NAB2: variants seen among roughly 807,000 people sequenced by gnomAD.
NAB2 encodes the protein NGFI-A binding protein 2.
NAB2 carries 9 observed loss-of-function variants against 44.2 expected under a neutral mutation model. The ratio of observed to expected loss-of-function variants is 0.20; its 90% CI spans 0.12 to 0.36. The LOEUF is 0.36. NAB2 is among the 10% of genes least tolerant of loss of function. NAB2 has a pLI of 1.00. For missense variants in NAB2, 514 were observed against 709.0 expected, an observed-to-expected ratio of 0.73 and a Z score of 3.12; for synonymous variants, 342 against 291.0, an observed-to-expected ratio of 1.18 and a Z score of -1.78.
At chr12:57,093,740 A>G (rs2033254819) in intron 6 of NAB2, 142 bp downstream of exon 6, 1 of 930,018 alleles carries the variant, frequency 1.1e-6, no homozygotes, top group African/African-American at 1.7e-5. Flanking sequence ...CCAGCCAGCC[A>G]GGCCTTGGGG....
At chr12:57,094,502 C>A in intron 6 of NAB2, 110 bp from the exon 7 acceptor site, 1 of 886,004 alleles carries the variant, frequency 1.1e-6, no homozygotes, top group Non-Finnish European at 1.8e-6. Context: ...TTCAATAAAC[C>A]TAAACTGAGC....
rs1478742420 is a variant in NAB2, at chr12:57,089,193, C to A, written c.-79C>A. 2 of 1,415,784 alleles carry A rather than the reference C, an allele frequency of 1.4e-6. No homozygotes were observed. Among genetic ancestry groups the A allele is most frequent in the South Asian group, 2.5e-5 (2 of 81,090 alleles). 87.7% of individuals were successfully genotyped at this position (1,415,784 alleles called of 1,614,324 possible). ...GGACAGCGGTGGACACGGCATCGTG[C>A]GCGGGGAAGAGGGCAGCACGCAGCA... is the stretch of plus-strand genomic sequence containing the variant. On this transcript the variant is annotated 5_prime_UTR_variant, in exon 1 of 7. Transcript: ENST00000300131.
rs2033179947 is a variant in NAB2, at chr12:57,091,363, A to G, written c.322A>G (p.Thr108Ala). 1 of 1,614,056 alleles carries G rather than the reference A, an allele frequency of 6.2e-7. No individual in the cohort carries two copies. The highest frequency in any genetic ancestry group is 1.3e-5 in the African/African-American group (1 of 74,932). ...RLQKALREWA[T>A]NPGLFSQPVP... ...GCAGAAGGCACTGAGAGAGTGGGCC[A>G]CCAATCCAGGGCTCTTCAGTCAACC... Residue 108 changes from threonine to alanine, a missense_variant, in exon 2 of 7, where the codon ACC (threonine) becomes GCC (alanine). Physicochemically the swap from Thr to Ala is moderately conservative, Grantham distance 58 (BLOSUM62 0). Around this residue, in one of 5 missense-constraint regions of NAB2, gnomAD observed 34 missense variants for 130.5 expected, o/e 0.26. Coordinates refer to ENST00000300131, the MANE Select transcript of NAB2 (RefSeq NM_005967.4). This position sits in a 1 kb window ranked among gnomAD's most constrained non-coding sequence, Gnocchi z 7.3.
At position 57,091,114 on chromosome 12, in the gene NAB2, C is replaced by A; in HGVS notation, c.84-11C>A. The A allele has an allele frequency of 1.3e-6, 2 of 1,509,670 alleles. No individual in the cohort carries two copies. The highest frequency in any genetic ancestry group is 1.8e-6 in the Non-Finnish European group (2 of 1,129,346). The allele number at this position is 1,509,670 out of a possible 1,614,324, so 93.5% of individuals were successfully genotyped here. A position where few individuals can be genotyped will look rare whatever the true frequency, so the allele number is the denominator to read the frequency against. Reference sequence around the variant, plus strand: ...CACCGACTGCCTCTCTCTTGTGCCCCTCCTTCTCAGGCCCAGTGCCCGAGC... The same window carrying A: ...CACCGACTGCCTCTCTCTTGTGCCCATCCTTCTCAGGCCCAGTGCCCGAGC... On this transcript the variant is annotated splice_polypyrimidine_tract_variant and intron_variant, in intron 1 of 6. Coordinates refer to ENST00000300131, the MANE Select transcript of NAB2 (RefSeq NM_005967.4). This position sits in a 1 kb window ranked among gnomAD's most constrained non-coding sequence, Gnocchi z 7.3.
rs201857967 is a variant in NAB2 at position 57,093,478 on chromosome 12, T to C, written c.1348T>C (p.Trp450Arg). Residue 450 changes from tryptophan (W) to arginine (R), a missense_variant, in exon 6 of 7, where the codon TGG becomes CGG. Around this residue, in one of 5 missense-constraint regions of NAB2, gnomAD observed 194 missense variants for 223.9 expected, o/e 0.87. Transcript: ENST00000300131. ...TCTGGCATTGCCAGCCCATGGGCTATGGAGCCGACACATCCTGCAGCAGAC... is the reference window on the plus strand; with the variant it reads ...TCTGGCATTGCCAGCCCATGGGCTACGGAGCCGACACATCCTGCAGCAGAC... ...LPLALPAHGLWSRHILQQTLM... is the reference protein window; with the variant it reads ...LPLALPAHGLRSRHILQQTLM... 3 of 1,597,878 alleles carry C rather than the reference T, an allele frequency of 1.9e-6. No homozygotes were observed. The highest frequency in any genetic ancestry group is 2.6e-6 in the Non-Finnish European group (3 of 1,173,366).
Position 57,094,625 on chromosome 12 carries a change from G to C in NAB2, c.1482G>C (p.Gly494=). 6.4e-7 allele frequency: 1 copy of C among 1,553,274 alleles called. No individual in the cohort carries two copies. The highest frequency in any genetic ancestry group is 8.7e-7 in the Non-Finnish European group (1 of 1,147,902). The part of the protein sequence containing the change: ...AKPPLAEFEE[G]LLDRCPAPGP... ...TTTTCCCTGCAGAGTTCGAGGAAGG[G>C]CTGCTGGACAGATGTCCTGCCCCAG... The change falls in exon 7 of 7, where the codon GGG becomes GGC. Residue 494 remains glycine, a synonymous_variant. Transcript: ENST00000300131.
chr12:57,089,768 A>G (rs2033140657), intron 1 of NAB2, among the ~76,000 whole-genome samples: 1 of 95,800 alleles, frequency 1.0e-5, no homozygotes, highest in Non-Finnish European at 2.2e-5. Flanking sequence ...AAGGAGCATC[A>G]GCGGGGGAAA....
chr12:57,092,684 A>G, intron 3 of NAB2, 103 bp downstream of exon 3: 1 of 1,460,188 alleles, frequency 6.8e-7, no homozygotes, highest in Non-Finnish European at 9.3e-7. Context: ...CTTCCCGCCC[A>G]CCTGGATGTC....
rs1025942841 is a variant in NAB2, at chr12:57,093,542, C to G, written c.1412C>G (p.Ser471Cys). The change falls in exon 6 of 7, where the codon TCC (serine) becomes TGC (cysteine). Residue 471 changes from serine to cysteine, a missense_variant. Physicochemically the swap from Ser to Cys is moderately radical, Grantham distance 112 (BLOSUM62 -1). This residue lies in a region of NAB2 where 194 missense variants were observed against 223.9 expected (regional missense o/e 0.87). Coordinates refer to ENST00000300131, the MANE Select transcript of NAB2 (RefSeq NM_005967.4). ...DEGLRLARLV[S>C]HDRVGRLSPC... The stretch of plus-strand genomic sequence containing the variant: ...GGGCTGCGGCTCGCCCGCCTCGTCT[C>G]CCACGACCGCGTGGGCCGCCTCAGC... 3 of 1,552,512 alleles carry G rather than the reference C, an allele frequency of 1.9e-6. No homozygotes were observed. The highest frequency in any genetic ancestry group is 1.7e-6 in the Non-Finnish European group (2 of 1,149,684).
chr12:57,094,617 G>C lies in NAB2; in HGVS notation c.1474G>C (p.Glu492Gln). 2 of 1,552,632 alleles carry C rather than the reference G, an allele frequency of 1.3e-6. No individual in the cohort carries two copies. The highest frequency in any genetic ancestry group is 1.4e-5 in the African/African-American group (1 of 73,256). Residue 492 changes from glutamate (E) to glutamine (Q), a missense_variant, in exon 7 of 7, where the codon GAG becomes CAG. By Grantham distance (29) the Glu-to-Gln change is conservative. Transcript: ENST00000300131. ...CTGCCCCCTTTTCCCTGCAGAGTTC[G>C]AGGAAGGGCTGCTGGACAGATGTCC... ...VPAKPPLAEFEEGLLDRCPAP... is the reference protein window; with the variant it reads ...VPAKPPLAEFQEGLLDRCPAP...
In NAB2 at chr12:57,094,726, T is replaced by C. The variant is rs1227087934; in HGVS notation, c.*5T>C. The C allele has an allele frequency of 6.5e-7, 1 of 1,549,614 alleles. No individual in the cohort carries two copies. The highest frequency in any genetic ancestry group is 2.0e-5 in the Admixed American group (1 of 51,026). On this transcript the variant is annotated 3_prime_UTR_variant, in exon 7 of 7. Transcript: ENST00000300131. ...GCTGAGGCCAGCCGGCAGTGAGGGT[T>C]GGACTGGTGTCTTCAGACCCAGGAC... is the stretch of plus-strand genomic sequence containing the variant.
chr12:57,089,290 C>A lies in NAB2; in HGVS notation c.19C>A (p.Pro7Thr). Residue 7 changes from proline to threonine, a missense_variant, in exon 1 of 7, where the codon CCC becomes ACC. This residue lies in a region of NAB2 where 56 missense variants were observed against 45.5 expected (regional missense o/e 1.23). Transcript: ENST00000300131. Reference protein sequence around the residue: MHRAPSPTAEQPPGGGD... With the variant: MHRAPSTTAEQPPGGGD... ...GCCGTCCATGCACAGAGCGCCTTCC[C>A]CCACAGCCGAGCAGCCGCCGGGCGG... 1 of 1,577,770 alleles carries A rather than the reference C, an allele frequency of 6.3e-7. No individual in the cohort carries two copies. The highest frequency in any genetic ancestry group is 8.6e-7 in the Non-Finnish European group (1 of 1,162,224).
chr12:57,093,046 A>T lies in NAB2; in HGVS notation c.1144-17A>T, dbSNP rs1315004910. The stretch of plus-strand genomic sequence containing the variant: ...TCCCTTGGCAGGTCTTCATTTCCCC[A>T]TGTTGGGCATCCACAGGTTGGAGAA... On this transcript the variant is annotated splice_polypyrimidine_tract_variant and intron_variant, in intron 4 of 6. Transcript: ENST00000300131. 6.2e-7 allele frequency: 1 copy of T among 1,613,818 alleles called. No individual in the cohort carries two copies. Among genetic ancestry groups the T allele is most frequent in the Middle Eastern group, 1.7e-4 (1 of 6,060 alleles).
intron 5 of NAB2, 91 bp downstream of exon 5, chr12:57,093,286 G>T: frequency 6.7e-7 from 1 of 1,482,504 alleles, no homozygotes; most frequent in Non-Finnish European, 8.9e-7. Context: ...GGCAGTGCCT[G>T]AAACAGGGTT....
chr12:57,093,564 C>A lies in NAB2; in HGVS notation c.1434C>A (p.Leu478=). The A allele has an allele frequency of 6.5e-7, 1 of 1,539,176 alleles. No individual in the cohort carries two copies. The change falls in exon 6 of 7, where the codon CTC becomes CTA. Residue 478 remains leucine (L), a synonymous_variant. Transcript: ENST00000300131. ...TCTCCCACGACCGCGTGGGCCGCCTCAGCCCCTGTGTGCCTGCGAAGCCAC... is the reference window on the plus strand; with the variant it reads ...TCTCCCACGACCGCGTGGGCCGCCTAAGCCCCTGTGTGCCTGCGAAGCCAC... The part of the protein sequence containing the change: ...RLVSHDRVGR[L]SPCVPAKPPL...
Position 57,092,973 on chromosome 12 carries a change from G to GT in NAB2, c.1143+9dup. 6.2e-7 allele frequency: 1 copy of GT among 1,614,192 alleles called. No homozygotes were observed. Among genetic ancestry groups the GT allele is most frequent in the Non-Finnish European group, 8.5e-7 (1 of 1,180,028 alleles). Reference sequence around the variant, plus strand: ...CTGAAGAAGCTGAAACAAGAGGTATGTTTTCCGGGGTGCATATAGGGGCAC... The same window carrying GT: ...CTGAAGAAGCTGAAACAAGAGGTATGTTTTTCCGGGGTGCATATAGGGGCAC... On this transcript the variant is annotated splice_donor_region_variant and intron_variant, in intron 4 of 6. Coordinates refer to ENST00000300131, the MANE Select transcript of NAB2 (RefSeq NM_005967.4).
In NAB2 at chr12:57,091,899, T is replaced by A. The variant is rs774427328; in HGVS notation, c.858T>A (p.Asp286Glu). Residue 286 changes from aspartate (D) to glutamate (E), a missense_variant, in exon 2 of 7, where the codon GAT becomes GAA. Transcript: ENST00000300131. This position sits in a 1 kb window ranked among gnomAD's most constrained non-coding sequence, Gnocchi z 7.3. ...RSVGHIFEMD[D>E]NDSQKEEEIR... ...TTGGGCACATCTTTGAGATGGATGA[T>A]AATGACAGCCAGAAGGAAGAGGAGA... 5.0e-6 allele frequency: 8 copies of A among 1,614,176 alleles called. No individual in the cohort carries two copies. The South Asian group carries it at 8.8e-5, about 18-fold the overall frequency.
At chr12:57,092,427 C>A (rs1340707768) in intron 2 of NAB2, 21 bp from the exon 3 acceptor site, 1 of 1,612,134 alleles carries the variant, frequency 6.2e-7, no homozygotes, top group Admixed American at 1.7e-5. Context: ...TCTGACTCTC[C>A]TGGCTGCCCT....
At chr12:57,092,845 C>T (rs1436919489) in intron 3 of NAB2, 72 bp from the exon 4 acceptor site, 1 of 1,560,288 alleles carries the variant, frequency 6.4e-7, no homozygotes, top group Non-Finnish European at 8.8e-7. Context: ...ATGCCTCTGG[C>T]TGGGTTCTGT....
Sources: gnomAD v4.1 joint callset for allele counts (sites outside exome capture counted in the v4.1 genomes callset) on GRCh38, gnomAD v4.1.1 for gene constraint, gnomAD v4.1.1 regional missense constraint, Gnocchi (gnomAD v3.1) non-coding constraint, MANE v1.5 for transcripts, NCBI Gene and HGNC (gene_info 2026-07-23, HGNC 2026-07-21) for gene names.